ZNF765: variants seen among roughly 807,000 people sequenced by gnomAD.
ZNF765 encodes zinc finger protein 765.
ZNF765 carries 37 observed loss-of-function variants against 44.7 expected under a neutral mutation model. The observed-to-expected ratio is 0.83, with a 90% CI of 0.64 to 1.09. ZNF765 has a LOEUF of 1.09. Ranked by LOEUF, ZNF765 falls within the 50% of genes least tolerant of loss-of-function variation. ZNF765 has a pLI of 0.00. For missense variants in ZNF765, 594 were observed against 626.1 expected (o/e 0.95, Z 0.55); for synonymous variants, 201 against 213.7 (o/e 0.94, Z 0.52).
chr19:53,399,940 G>A (rs2085707038), intron 2 of ZNF765, among the ~76,000 whole-genome samples: 1 of 152,044 alleles, frequency 6.6e-6, no homozygotes, highest in Non-Finnish European at 1.5e-5. Flanking sequence ...TCAGCCTCCT[G>A]AGTAGCTGAA....
chr19:53,423,620 C>T (rs2085920932), exon 4 of ZNF765: 4 of 269,426 alleles, frequency 1.5e-5, no homozygotes, highest in Non-Finnish European at 2.2e-5. Flanking sequence ...GCAGGTTTCC[C>T]AACTGTCAGC....
At position 53,408,931 on chromosome 19, in the gene ZNF765, T is replaced by C. The variant is rs1347937015; in HGVS notation, c.1376T>C (p.Ile459Thr). ...FKSNLEIHQK[I>T]HTEENPYKCN... ...TCAAACCTTGAAATACATCAGAAAA[T>C]TCATACTGAAGAGAATCCTTACAAG... The change falls in exon 4 of 4, where the codon ATT (isoleucine) becomes ACT (threonine). Residue 459 changes from isoleucine (I) to threonine (T), a missense_variant. This residue lies in a region of ZNF765 where 567 missense variants were observed against 572.6 expected (regional missense o/e 0.99). Coordinates refer to ENST00000396408, the MANE Select transcript of ZNF765 (RefSeq NM_001040185.3). The C allele has an allele frequency of 6.2e-7, 1 of 1,613,204 alleles. No individual in the cohort carries two copies. The highest frequency in any genetic ancestry group is 1.3e-5 in the African/African-American group (1 of 74,644).
Position 53,410,955 on chromosome 19 carries a change from C to A in ZNF765, c.*1828C>A. On this transcript the variant is annotated 3_prime_UTR_variant, in exon 4 of 4. Transcript: ENST00000396408. ...TCATCAGTGTGCCAAAGTCTTCAGT[C>A]TGAGCTCACTCCTTGCAGGATATCA... is the stretch of plus-strand genomic sequence containing the variant. 2.5e-6 allele frequency: 1 copy of A among 401,206 alleles called. No homozygotes were observed. The highest frequency in any genetic ancestry group is 2.0e-5 in the South Asian group (1 of 50,552). The allele number at this position is 401,206 out of a possible 1,614,324, so 24.9% of individuals were successfully genotyped here.
downstream of ZNF765, among the ~76,000 whole-genome samples, chr19:53,414,240 CAAA>C (rs754534125): frequency 1.3e-5 from 1 of 77,984 alleles, no homozygotes; most frequent in Admixed American, 1.7e-4. Context: ...GACTCCATCT[CAAA>C]AAAAAAAAAA....
intron 3 of ZNF765, among the ~76,000 whole-genome samples, chr19:53,403,949 G>C (rs1230759818): frequency 6.6e-6 from 1 of 151,578 alleles, no homozygotes; most frequent in African/African-American, 2.4e-5. Flanking sequence ...TGTTGCATTC[G>C]CATTAACATA....
chr19:53,417,089 A>C (rs1322808555), intron 3 of ZNF765, among the ~76,000 whole-genome samples: 1 of 152,140 alleles, frequency 6.6e-6, no homozygotes, highest in Non-Finnish European at 1.5e-5. Flanking sequence ...AAGTGCTAGG[A>C]TTACAGACGT....
chr19:53,406,715 G>A (rs1399905336), intron 3 of ZNF765, among the ~76,000 whole-genome samples: 1 of 152,128 alleles, frequency 6.6e-6, no homozygotes, highest in African/African-American at 2.4e-5. Context: ...ATAAGTTCGA[G>A]GCCAGCCTGG....
chr19:53,424,333 G>A (rs936528932), exon 4 of ZNF765: 3 of 151,368 alleles, frequency 2.0e-5, no homozygotes, highest in African/African-American at 7.3e-5. Flanking sequence ...CATTAGCCAG[G>A]CATGGTGGCA....
At chr19:53,425,222 G>A (rs2085931801) in exon 4 of ZNF765, 1 of 152,140 alleles carries the variant, frequency 6.6e-6, no homozygotes, top group African/African-American at 2.4e-5. Flanking sequence ...TGTACCTCCT[G>A]ATCCCTCCCT....
exon 4 of ZNF765, chr19:53,425,115 T>C (rs1156441035): frequency 6.6e-6 from 1 of 152,216 alleles, no homozygotes; most frequent in Non-Finnish European, 1.5e-5. Flanking sequence ...ACTGAGTTCA[T>C]GGGGTTGAGC....
chr19:53,417,437 T>G (rs2085881932), intron 3 of ZNF765, among the ~76,000 whole-genome samples: 1 of 152,196 alleles, frequency 6.6e-6, no homozygotes, highest in Admixed American at 6.5e-5. Context: ...GCTCCATCCA[T>G]GTCCCTGCAA....
chr19:53,409,678 T>C lies in ZNF765; in HGVS notation c.*551T>C. 2.7e-6 allele frequency: 3 copies of C among 1,131,476 alleles called. No individual in the cohort carries two copies. The highest frequency in any genetic ancestry group is 2.7e-6 in the Non-Finnish European group (2 of 745,248). The allele number at this position is 1,131,476 out of a possible 1,614,324, so 70.1% of individuals were successfully genotyped here. A position where few individuals can be genotyped will look rare whatever the true frequency, so the allele number is the denominator to read the frequency against. ...TCATACCTTACACGCCATCGTAGAC[T>C]TCATACTGGAGGATACCTTACAAAT... On this transcript the variant is annotated 3_prime_UTR_variant, in exon 4 of 4. Coordinates refer to ENST00000396408, the MANE Select transcript of ZNF765 (RefSeq NM_001040185.3).
At chr19:53,402,278 A>C (rs1470904501) in intron 3 of ZNF765, 87 bp downstream of exon 3, 1 of 1,413,490 alleles carries the variant, frequency 7.1e-7, no homozygotes, top group Admixed American at 2.5e-5. Context: ...TTTTTTTGAG[A>C]TGGAGTCTCG....
In ZNF765 at chr19:53,408,994, C is replaced by T; in HGVS notation, c.1439C>T (p.Ser480Phe). Reference protein sequence around the residue: ...ECGKTFSRTSSLTYHHRLHTG... With the variant: ...ECGKTFSRTSFLTYHHRLHTG... ...GGCAAGACCTTCAGCCGGACGTCAT[C>T]CCTTACATACCATCATAGACTTCAT... Residue 480 changes from serine to phenylalanine, a missense_variant, in exon 4 of 4, where the codon TCC becomes TTC. Transcript: ENST00000396408. The T allele has an allele frequency of 1.9e-6, 3 of 1,603,684 alleles. No individual in the cohort carries two copies. Among genetic ancestry groups the T allele is most frequent in the Non-Finnish European group, 2.6e-6 (3 of 1,172,866 alleles).
intron 3 of ZNF765, among the ~76,000 whole-genome samples, chr19:53,404,350 A>G (rs1290565277): frequency 3.9e-5 from 6 of 152,238 alleles, no homozygotes; most frequent in Admixed American, 6.5e-5. Flanking sequence ...TACTGGGATT[A>G]TAGGTGTGAA....
chr19:53,400,175 T>C (rs945320497), intron 2 of ZNF765, among the ~76,000 whole-genome samples: 7 of 152,148 alleles, frequency 4.6e-5, no homozygotes, highest in African/African-American at 1.7e-4. Flanking sequence ...TAGACGCCAG[T>C]GTCTGTTGTT....
chr19:53,395,157 A>C lies in ZNF765; in HGVS notation c.-110A>C, dbSNP rs777777724. ...CGCGCGCAGCTTCGCGCAGACCCGG[A>C]AGCGGACGGCGTGGAGTGACTATCC... On this transcript the variant is annotated 5_prime_UTR_variant, in exon 1 of 4. Coordinates refer to ENST00000396408, the MANE Select transcript of ZNF765 (RefSeq NM_001040185.3). 1 of 152,420 alleles carries C rather than the reference A, an allele frequency of 6.6e-6. No homozygotes were observed. The highest frequency in any genetic ancestry group is 6.5e-5 in the Admixed American group (1 of 15,288). 9.4% of individuals were successfully genotyped at this position (152,420 alleles called of 1,614,324 possible).
Position 53,407,700 on chromosome 19 carries a change from A to T in ZNF765, c.145A>T (p.Ile49Phe). 1 of 1,542,216 alleles carries T rather than the reference A, an allele frequency of 6.5e-7. No homozygotes were observed. The highest frequency in any genetic ancestry group is 8.7e-7 in the Non-Finnish European group (1 of 1,147,514). ...CTTTTGGTGTGTATACTTTTTAGAT[A>T]TCTCTTCCAAATGCATGATGAAGGA... ...ENYRNLVSLD[I>F]SSKCMMKEFS... Residue 49 changes from isoleucine (I) to phenylalanine (F), a missense_variant and splice_region_variant, in exon 4 of 4, where the codon ATC (isoleucine) becomes TTC (phenylalanine). Physicochemically the swap from Ile to Phe is conservative, Grantham distance 21. This residue lies in a region of ZNF765 where 567 missense variants were observed against 572.6 expected (regional missense o/e 0.99). Coordinates refer to ENST00000396408, the MANE Select transcript of ZNF765 (RefSeq NM_001040185.3).
At position 53,411,193 on chromosome 19, in the gene ZNF765, G is replaced by C. The variant is rs117982049; in HGVS notation, c.*2066G>C. ...TGAGCGCTTTGGGAGGCCAGCACCGGTAGATCACTTGAGTTCAGGAGTTTG... is the reference window on the plus strand; with the variant it reads ...TGAGCGCTTTGGGAGGCCAGCACCGCTAGATCACTTGAGTTCAGGAGTTTG... On this transcript the variant is annotated 3_prime_UTR_variant, in exon 4 of 4. Transcript: ENST00000396408. The C allele has an allele frequency of 3.5e-4, 54 of 155,952 alleles. 1 individual carries two copies. The East Asian group carries it at 7.8e-3, about 22-fold the overall frequency. 9.7% of individuals were successfully genotyped at this position (155,952 alleles called of 1,614,324 possible). A position where few individuals can be genotyped will look rare whatever the true frequency, so the allele number is the denominator to read the frequency against.
Sources: allele counts gnomAD v4.1 joint callset (sites outside exome capture counted in the v4.1 genomes callset), GRCh38; gene constraint gnomAD v4.1.1; regional missense constraint gnomAD v4.1.1; transcripts MANE v1.5; gene names NCBI Gene and HGNC (gene_info 2026-07-23, HGNC 2026-07-21).